The following LIMS1 variants were observed in gnomAD, a reference collection of about 807,000 sequenced individuals.
The protein encoded by LIMS1 is LIM and senescent cell antigen-like-containing domain protein 1.
A neutral mutation model predicts 44.1 loss-of-function variants in LIMS1; 18 were observed. That is an observed-to-expected ratio of 0.41 (90% CI 0.28 to 0.61). The LOEUF (loss-of-function observed/expected upper bound fraction) is 0.61. Ranked by LOEUF, LIMS1 falls within the 20% of genes least tolerant of loss-of-function variation. The pLI is 0.32. For missense variants in LIMS1, 201 were observed against 422.0 expected (o/e 0.48, Z 4.59); for synonymous variants, 93 against 149.1 (o/e 0.62, Z 2.74).
intron 1 of LIMS1, chr2:108,588,610 TA>T (rs1686216572): frequency 1.0e-6 from 1 of 985,276 alleles, no homozygotes; most frequent in Non-Finnish European, 1.2e-6. Context: ...CATGATTGCC[TA>T]AATCAGCCAA....
At chr2:108,632,060 C>T (rs1456513715) in intron 1 of LIMS1, among the ~76,000 whole-genome samples, 6 of 152,176 alleles carry the variant, frequency 3.9e-5, no homozygotes, top group African/African-American at 1.4e-4. Flanking sequence ...TAACCTCCAC[C>T]TCCTGGGTCC....
intron 1 of LIMS1, among the ~76,000 whole-genome samples, chr2:108,626,668 TA>T (rs1199712186): frequency 6.6e-6 from 1 of 152,198 alleles, no homozygotes; most frequent in Admixed American, 6.5e-5. Flanking sequence ...TAAACTGGCC[TA>T]AAGGTACCTC....
chr2:108,575,516 T>G (rs74812261), intron 1 of LIMS1, among the ~76,000 whole-genome samples: 2,568 of 152,196 alleles, frequency 0.017, 37 homozygotes, highest in Non-Finnish European at 0.025. Flanking sequence ...CAGAGAACAT[T>G]CTTCTTGAAA....
At chr2:108,582,610 A>G (rs796799872) in intron 1 of LIMS1, among the ~76,000 whole-genome samples, 14 of 152,258 alleles carry the variant, frequency 9.2e-5, no homozygotes, top group African/African-American at 3.4e-4. Flanking sequence ...TCTACTAAAA[A>G]TATGAAAATT....
At chr2:108,615,726 G>A (rs1296595433) in intron 1 of LIMS1, among the ~76,000 whole-genome samples, 1 of 152,178 alleles carries the variant, frequency 6.6e-6, no homozygotes, top group Non-Finnish European at 1.5e-5. Context: ...TATGAAGAAG[G>A]AGAAAAGTGT....
Position 108,683,733 on chromosome 2 carries a change from A to C in LIMS1, c.900-152A>C, listed in dbSNP as rs573006310. The C allele has an allele frequency of 2.2e-3, 882 of 406,874 alleles. 11 individuals carry two copies. The highest frequency in any genetic ancestry group is 1.8e-3 in the Non-Finnish European group (399 of 223,446). 25.2% of individuals were successfully genotyped at this position (406,874 alleles called of 1,614,324 possible). ...TATATATATATCACAATAAGAATTG[A>C]GGTTAGGATTATGGTTTTTTTACTA... On this transcript the variant is annotated intron_variant, in intron 9 of 9. Coordinates refer to ENST00000544547, the Ensembl canonical transcript of LIMS1.
intron 1 of LIMS1, among the ~76,000 whole-genome samples, chr2:108,627,393 C>A (rs1573487190): frequency 1.5e-5 from 2 of 133,054 alleles, no homozygotes; most frequent in African/African-American, 5.5e-5. Context: ...ATAATGATCC[C>A]TTTCTGGTTT....
At chr2:108,614,607 A>C (rs1687834124) in intron 1 of LIMS1, among the ~76,000 whole-genome samples, 6 of 152,230 alleles carry the variant, frequency 3.9e-5, no homozygotes, top group South Asian at 2.1e-4. Context: ...AGATACCCTT[A>C]AATTTCTAAA....
chr2:108,555,162 A>G (rs1476382701), intron 1 of LIMS1, among the ~76,000 whole-genome samples: 3 of 152,156 alleles, frequency 2.0e-5, no homozygotes, highest in Non-Finnish European at 2.9e-5. Context: ...AGGTATCCAC[A>G]TGATCTGGGT....
chr2:108,656,842 T>A (rs1210982196), intron 1 of LIMS1, among the ~76,000 whole-genome samples: 14 of 98,754 alleles, frequency 1.4e-4, no homozygotes, highest in African/African-American at 4.8e-4. Flanking sequence ...CGTTTTAATC[T>A]AAGGGCCTCT....
chr2:108,593,246 C>G (rs1686498565), intron 1 of LIMS1, among the ~76,000 whole-genome samples: 1 of 152,302 alleles, frequency 6.6e-6, no homozygotes, highest in South Asian at 2.1e-4. Flanking sequence ...TTCTCTACTT[C>G]CAAACATATC....
At chr2:108,663,633 G>T (rs1391657272) in intron 2 of LIMS1, among the ~76,000 whole-genome samples, 1 of 152,174 alleles carries the variant, frequency 6.6e-6, no homozygotes, top group African/African-American at 2.4e-5. Context: ...CATGCTCAGG[G>T]CTGGGTTCTT....
chr2:108,599,346 C>A (rs1686879699), intron 1 of LIMS1, among the ~76,000 whole-genome samples: 1 of 152,182 alleles, frequency 6.6e-6, no homozygotes, highest in South Asian at 2.1e-4. Context: ...CCAGTCCCAT[C>A]CATGTTGTTG....
intron 1 of LIMS1, among the ~76,000 whole-genome samples, chr2:108,635,785 T>C (rs1023424204): frequency 1.3e-5 from 2 of 151,896 alleles, no homozygotes; most frequent in African/African-American, 2.4e-5. Context: ...AACACACTCC[T>C]CCCCCCCGTC....
At chr2:108,630,425 T>C (rs1468418210) in intron 1 of LIMS1, among the ~76,000 whole-genome samples, 2 of 152,132 alleles carry the variant, frequency 1.3e-5, no homozygotes, top group African/African-American at 4.8e-5. Context: ...ATTTTATGGT[T>C]GATGAGTAGA....
chr2:108,616,294 C>A (rs1305836210), intron 1 of LIMS1, among the ~76,000 whole-genome samples: 2 of 150,442 alleles, frequency 1.3e-5, no homozygotes. Flanking sequence ...CAGCCTCGAC[C>A]TTCCAGGCTC....
intron 1 of LIMS1, among the ~76,000 whole-genome samples, chr2:108,594,033 C>T (rs1686541022): frequency 6.6e-6 from 1 of 152,104 alleles, no homozygotes; most frequent in Non-Finnish European, 1.5e-5. Flanking sequence ...CAGACAATAG[C>T]AGTGAGCTAC....
At chr2:108,604,624 C>T (rs1360687701) in intron 1 of LIMS1, among the ~76,000 whole-genome samples, 1 of 152,096 alleles carries the variant, frequency 6.6e-6, no homozygotes, top group Non-Finnish European at 1.5e-5. Context: ...GCTCCTCATC[C>T]CCCTTCCTCA....
exon 10 of LIMS1, chr2:108,685,433 G>A (rs535456446): frequency 1.3e-5 from 2 of 151,706 alleles, no homozygotes; most frequent in Middle Eastern, 3.4e-3. Flanking sequence ...AAATATTTGG[G>A]TTTTTTTTCC....
Sources: allele counts gnomAD v4.1 joint callset (sites outside exome capture counted in the v4.1 genomes callset), GRCh38; gene constraint gnomAD v4.1.1; transcripts MANE v1.5; gene names NCBI Gene and HGNC (gene_info 2026-07-23, HGNC 2026-07-21).